Variants in NELL1 observed in about 807,000 individuals in gnomAD.
NELL1 encodes neural EGFL like 1.
NELL1 carries 76 observed loss-of-function variants against 107.4 expected under a neutral mutation model. The ratio of observed to expected loss-of-function variants is 0.71; its 90% CI spans 0.59 to 0.86. The LOEUF (loss-of-function observed/expected upper bound fraction) is 0.86. Ranked by LOEUF, NELL1 falls within the 40% of genes least tolerant of loss-of-function variation. The pLI is 0.00. For missense variants in NELL1, 1,024 were observed against 1,005.5 expected (o/e 1.02, Z -0.25); for synonymous variants, 353 against 341.2 (o/e 1.03, Z -0.38).
chr11:20,825,120 A>C (rs150158498), intron 3 of NELL1, among the ~76,000 whole-genome samples: 1 of 151,452 alleles, frequency 6.6e-6, no homozygotes, highest in African/African-American at 2.4e-5. Flanking sequence ...AGAGGTCAAA[A>C]ATTGATGTTT....
chr11:21,159,824 C>T (rs967891027), intron 13 of NELL1, among the ~76,000 whole-genome samples: 1 of 152,170 alleles, frequency 6.6e-6, no homozygotes, highest in Non-Finnish European at 1.5e-5. Flanking sequence ...ATCTGTTCTC[C>T]CCTTGCTTGT....
At chr11:21,144,993 T>G (rs1472508838) in intron 13 of NELL1, among the ~76,000 whole-genome samples, 2 of 152,194 alleles carry the variant, frequency 1.3e-5, no homozygotes, top group East Asian at 1.9e-4. Context: ...CTCAGTTTCC[T>G]CAGTCACAAA....
At chr11:21,383,658 T>C (rs1851664042) in intron 15 of NELL1, 1 of 142,454 alleles carries the variant, frequency 7.0e-6, no homozygotes, top group African/African-American at 2.7e-5. Flanking sequence ...CACCTACAGA[T>C]TTATATATGT....
Position 21,560,860 on chromosome 11 carries a change from A to G in NELL1, c.1980+478A>G, listed in dbSNP as rs188408304. 1.2e-3 allele frequency among the ~76,000 whole-genome samples: 187 copies of G among 151,452 alleles called. 2 individuals carry two copies. Among genetic ancestry groups the G allele is most frequent in the African/African-American group, 4.1e-3 (170 of 41,390 alleles). ...GACAGGTGGATTTTCATTTTGAACA[A>G]ATGATAATGATAGTATGAGGCCTCT... On this transcript the variant is annotated intron_variant, in intron 17 of 19. Transcript: ENST00000357134.
intron 12 of NELL1, among the ~76,000 whole-genome samples, chr11:21,034,203 G>A (rs2176317): frequency 0.024 from 3,586 of 152,228 alleles, 140 homozygotes; most frequent in African/African-American, 0.081. Flanking sequence ...GTAAGGAGGG[G>A]ATCTAGCTTC....
intron 2 of NELL1, among the ~76,000 whole-genome samples, chr11:20,691,495 G>A (rs998966693): frequency 2.6e-5 from 4 of 152,046 alleles, no homozygotes; most frequent in Non-Finnish European, 4.4e-5. Context: ...TAGCATGAAG[G>A]GTTGTTGAAT....
At chr11:20,828,432 A>AT (rs1857931850) in intron 3 of NELL1, among the ~76,000 whole-genome samples, 1 of 152,156 alleles carries the variant, frequency 6.6e-6, no homozygotes, top group East Asian at 1.9e-4. Flanking sequence ...GAGAGTTAAT[A>AT]ATTGAAAAAA....
At chr11:20,769,327 T>G (rs906932464) in intron 2 of NELL1, 2 of 152,264 alleles carry the variant, frequency 1.3e-5, no homozygotes, top group Admixed American at 6.6e-5. Context: ...ACAGGAAGAA[T>G]GCAGTGTCAA....
At chr11:21,317,906 G>A (rs752961913) in intron 14 of NELL1, among the ~76,000 whole-genome samples, 1 of 152,034 alleles carries the variant, frequency 6.6e-6, no homozygotes, top group Non-Finnish European at 1.5e-5. Flanking sequence ...ATGTAACCAT[G>A]TAAGTTAAGT....
intron 16 of NELL1, among the ~76,000 whole-genome samples, chr11:21,556,202 A>G (rs1345038720): frequency 3.3e-5 from 5 of 151,940 alleles, no homozygotes; most frequent in African/African-American, 1.2e-4. Context: ...TGAGCCACTC[A>G]TAATGATTTC....
At chr11:21,546,051 C>T (rs1444502753) in intron 16 of NELL1, among the ~76,000 whole-genome samples, 2 of 151,980 alleles carry the variant, frequency 1.3e-5, no homozygotes, top group Non-Finnish European at 2.9e-5. Flanking sequence ...CTTGTGTATA[C>T]ATCTGTGCCT....
At chr11:20,990,602 T>A (rs1851951595) in intron 12 of NELL1, among the ~76,000 whole-genome samples, 1 of 152,180 alleles carries the variant, frequency 6.6e-6, no homozygotes, top group South Asian at 2.1e-4. Flanking sequence ...AGGAATGGCA[T>A]CTCAGCCTGT....
chr11:20,712,825 G>T (rs1855146810), intron 2 of NELL1, among the ~76,000 whole-genome samples: 1 of 152,230 alleles, frequency 6.6e-6, no homozygotes, highest in Admixed American at 6.5e-5. Flanking sequence ...CCTGTGATAT[G>T]ATCCATCTTC....
chr11:21,040,446 G>A (rs897466966), intron 12 of NELL1, among the ~76,000 whole-genome samples: 2 of 152,090 alleles, frequency 1.3e-5, no homozygotes, highest in African/African-American at 2.4e-5. Context: ...GTGCATCAAA[G>A]CCTTGTATCT....
intron 12 of NELL1, among the ~76,000 whole-genome samples, chr11:21,113,119 C>G (rs756767297): frequency 1.3e-5 from 2 of 151,868 alleles, no homozygotes; most frequent in Non-Finnish European, 2.9e-5. Flanking sequence ...ATGGGAGAAA[C>G]TAGCTACACC....
chr11:20,865,404 G>T (rs1849077211), intron 4 of NELL1, among the ~76,000 whole-genome samples: 1 of 152,080 alleles, frequency 6.6e-6, no homozygotes. Flanking sequence ...CCCTCAAGTG[G>T]GAGGCCGGGT....
chr11:21,231,193 T>C (rs10766777), intron 14 of NELL1, among the ~76,000 whole-genome samples: 5,226 of 152,234 alleles, frequency 0.034, 372 homozygotes, highest in East Asian at 0.33. Flanking sequence ...CAGAACAATA[T>C]AGTATCATCA....
chr11:21,229,520 G>T, intron 14 of NELL1, 66 bp downstream of exon 14: 1 of 1,601,760 alleles, frequency 6.2e-7, no homozygotes, highest in East Asian at 2.3e-5. Flanking sequence ...GCACTTGTGC[G>T]TCGGACCTTC....
intron 15 of NELL1, among the ~76,000 whole-genome samples, chr11:21,507,691 A>T (rs1006147876): frequency 6.6e-6 from 1 of 152,164 alleles, no homozygotes; most frequent in African/African-American, 2.4e-5. Context: ...TAAAAAAGAA[A>T]AAAATAAAGG....
Sources: allele counts gnomAD v4.1 joint callset (sites outside exome capture counted in the v4.1 genomes callset), GRCh38; gene constraint gnomAD v4.1.1; transcripts MANE v1.5; gene names NCBI Gene and HGNC (gene_info 2026-07-23, HGNC 2026-07-21).